Variants in NSD2 observed in about 807,000 individuals in gnomAD.
NSD2 encodes histone-lysine N-methyltransferase NSD2.
Under a neutral mutation model 139.0 loss-of-function variants are expected in NSD2, and 12 were observed. The ratio of observed to expected loss-of-function variants is 0.09; its 90% confidence interval spans 0.06 to 0.14. The LOEUF is 0.14. Among genes scored for constraint, NSD2 ranks in the 10% least tolerant of loss-of-function variants. NSD2 has a pLI of 1.00. For missense variants in NSD2, 1,155 were observed against 1,745.0 expected (o/e 0.66, Z 6.02); for synonymous variants, 669 against 648.7 (o/e 1.03, Z -0.48).
At chr4:1,877,405 TCTGA>T (rs764192423) in intron 1 of NSD2, among the ~76,000 whole-genome samples, 1 of 152,200 alleles carries the variant, frequency 6.6e-6, no homozygotes, top group African/African-American at 2.4e-5. Context: ...TCACTGGCTT[TCTGA>T]CTCTCACTGC....
intron 5 of NSD2, among the ~76,000 whole-genome samples, chr4:1,921,498 A>AGG (rs1720116965): frequency 6.7e-6 from 1 of 148,568 alleles, no homozygotes. Flanking sequence ...ATCATGAACG[A>AGG]GGGCCAGGCA....
chr4:1,975,379 A>G lies in NSD2; in HGVS notation c.3600A>G (p.Gly1200=), dbSNP rs1165629808. The G allele has an allele frequency of 6.2e-7, 1 of 1,614,036 alleles. No individual in the cohort carries two copies. Among genetic ancestry groups the G allele is most frequent in the East Asian group, 2.2e-5 (1 of 44,886 alleles). ...GGTGTGGAGCCTCCAATTGCAGTGG[A>G]TTCCTCGGGGATAGACCAAAGGTAA... The part of the protein sequence containing the change: ...VCRCGASNCS[G]FLGDRPKTST... Residue 1200 remains glycine (G), a synonymous_variant, in exon 20 of 22, where the codon GGA becomes GGG. Coordinates refer to ENST00000508803, the MANE Select transcript of NSD2 (RefSeq NM_001042424.3).
At chr4:1,977,790 C>CAA (rs111398358) in intron 21 of NSD2, among the ~76,000 whole-genome samples, 39 of 96,078 alleles carry the variant, frequency 4.1e-4, no homozygotes, top group African/African-American at 1.2e-3. Flanking sequence ...AGACTCCACT[C>CAA]AAAAAAAAAA....
At position 1,979,148 on chromosome 4, in the gene NSD2, C is replaced by A; in HGVS notation, c.*239C>A. ...GCGTTCCTGGACAAACAGCCTCACT[C>A]CTCAGCGTTACCGCCACACTTGAAT... On this transcript the variant is annotated 3_prime_UTR_variant, in exon 22 of 22. Coordinates refer to ENST00000508803, the MANE Select transcript of NSD2 (RefSeq NM_001042424.3). 1 of 430,026 alleles carries A rather than the reference C, an allele frequency of 2.3e-6. No individual in the cohort carries two copies. Among genetic ancestry groups the A allele is most frequent in the Non-Finnish European group, 4.0e-6 (1 of 248,618 alleles). 26.6% of individuals were successfully genotyped at this position (430,026 alleles called of 1,614,324 possible). A position where few individuals can be genotyped will look rare whatever the true frequency, so the allele number is the denominator to read the frequency against.
chr4:1,926,040 C>T (rs947964994), intron 5 of NSD2, among the ~76,000 whole-genome samples: 7 of 151,794 alleles, frequency 4.6e-5, no homozygotes, highest in Non-Finnish European at 7.4e-5. Context: ...TGGCCTTAAG[C>T]GATCCTCCTA....
intron 6 of NSD2, among the ~76,000 whole-genome samples, chr4:1,934,093 G>GT (rs1169656491): frequency 7.6e-4 from 109 of 142,972 alleles, no homozygotes; most frequent in East Asian, 3.3e-3. Flanking sequence ...TTTGTTTTTC[G>GT]TTTTTTTTTT....
intron 1 of NSD2, among the ~76,000 whole-genome samples, chr4:1,883,357 C>T (rs903460824): frequency 5.3e-5 from 8 of 151,790 alleles, no homozygotes; most frequent in South Asian, 4.2e-4. Flanking sequence ...CAGGGCTGGG[C>T]GCAGTGGCTC....
chr4:1,952,809 G>T, intron 11 of NSD2: 1 of 1,184,140 alleles, frequency 8.4e-7, no homozygotes, highest in Non-Finnish European at 1.0e-6. Flanking sequence ...CTGCACAGCC[G>T]TGGCCCTTCC....
At chr4:1,888,813 G>T (rs903371730) in intron 1 of NSD2, among the ~76,000 whole-genome samples, 2 of 151,980 alleles carry the variant, frequency 1.3e-5, no homozygotes, top group African/African-American at 4.8e-5. Flanking sequence ...TGATCCACCG[G>T]CCTCGGCCTC....
chr4:1,977,805 C>G (rs1009927839), intron 21 of NSD2, among the ~76,000 whole-genome samples: 4 of 134,652 alleles, frequency 3.0e-5, no homozygotes, highest in African/African-American at 1.2e-4. Context: ...AAAAAAAAAA[C>G]CAAACAAACA....
At position 1,948,711 on chromosome 4, in the gene NSD2, G is replaced by A; in HGVS notation, c.1882-2361G>A. Reference sequence around the variant, plus strand: ...TATTTCCATTCAAAATATGTATTCAGTGTTTATTTCCTCAAAACAGACTTT... The same window carrying A: ...TATTTCCATTCAAAATATGTATTCAATGTTTATTTCCTCAAAACAGACTTT... On this transcript the variant is annotated intron_variant, in intron 9 of 21. Coordinates refer to ENST00000508803, the MANE Select transcript of NSD2 (RefSeq NM_001042424.3). The surrounding 1 kb of genome is among the most constrained non-coding windows in gnomAD (Gnocchi z 4.5). The A allele has an allele frequency of 9.5e-7, 1 of 1,052,998 alleles. No homozygotes were observed. Among genetic ancestry groups the A allele is most frequent in the Non-Finnish European group, 1.1e-6 (1 of 870,498 alleles). 65.2% of individuals were successfully genotyped at this position (1,052,998 alleles called of 1,614,324 possible). A position where few individuals can be genotyped will look rare whatever the true frequency, so the allele number is the denominator to read the frequency against.
chr4:1,883,403 A>G (rs150536286), intron 1 of NSD2, among the ~76,000 whole-genome samples: 266 of 151,784 alleles, frequency 1.8e-3, no homozygotes, highest in African/African-American at 6.1e-3. Flanking sequence ...AGGCTGAGGC[A>G]AGCAGATCAC....
chr4:1,889,558 A>G (rs970263944), intron 1 of NSD2, among the ~76,000 whole-genome samples: 3 of 151,396 alleles, frequency 2.0e-5, no homozygotes, highest in African/African-American at 4.9e-5. Context: ...CTGGAGTGCA[A>G]TGGCACCATC....
At chr4:1,923,260 G>A (rs573814536) in intron 5 of NSD2, among the ~76,000 whole-genome samples, 4 of 151,700 alleles carry the variant, frequency 2.6e-5, no homozygotes, top group Non-Finnish European at 5.9e-5. Context: ...AGGCTGAAGC[G>A]GGAGGATTGC....
chr4:1,874,602 G>A (rs553974502), intron 1 of NSD2, among the ~76,000 whole-genome samples: 43 of 152,282 alleles, frequency 2.8e-4, no homozygotes, highest in African/African-American at 9.9e-4. Flanking sequence ...AAGTAATGGA[G>A]CATCTGGGAG....
chr4:1,979,084 C>G lies in NSD2; in HGVS notation c.*175C>G, dbSNP rs796490762. Reference sequence around the variant, plus strand: ...ACCACTGAGCCATCCTCAGCAGCGTCCGCTGCGTCTGCACTGATGACCGTC... The same window carrying G: ...ACCACTGAGCCATCCTCAGCAGCGTGCGCTGCGTCTGCACTGATGACCGTC... On this transcript the variant is annotated 3_prime_UTR_variant, in exon 22 of 22. Coordinates refer to ENST00000508803, the MANE Select transcript of NSD2 (RefSeq NM_001042424.3). 3 of 758,952 alleles carry G rather than the reference C, an allele frequency of 4.0e-6. No homozygotes were observed. The highest frequency in any genetic ancestry group is 3.6e-5 in the African/African-American group (2 of 56,166). The allele number at this position is 758,952 out of a possible 1,614,324, so 47.0% of individuals were successfully genotyped here.
rs1717624707 is a variant in NSD2, at chr4:1,904,489, G to T, written c.760+111G>T. On this transcript the variant is annotated intron_variant, in intron 3 of 21. Transcript: ENST00000508803. ...AATAGCCCTGCTATGGTTCATTTTTGCAGCTTTACCTAAAGTTAGTGATTG... is the reference window on the plus strand; with the variant it reads ...AATAGCCCTGCTATGGTTCATTTTTTCAGCTTTACCTAAAGTTAGTGATTG... The T allele has an allele frequency of 3.8e-5, 47 of 1,234,920 alleles. 1 individual carries two copies. The South Asian group carries it at 7.4e-4, about 19-fold the overall frequency. 76.5% of individuals were successfully genotyped at this position (1,234,920 alleles called of 1,614,324 possible). A position where few individuals can be genotyped will look rare whatever the true frequency, so the allele number is the denominator to read the frequency against.
rs564330895 is a variant in NSD2, at chr4:1,974,272, G to A, written c.3373-591G>A. 7.3e-5 allele frequency among the ~76,000 whole-genome samples: 11 copies of A among 151,572 alleles called. No individual in the cohort carries two copies. The highest frequency in any genetic ancestry group is 8.8e-5 in the Non-Finnish European group (6 of 67,904). On this transcript the variant is annotated intron_variant, in intron 18 of 21. Coordinates refer to ENST00000508803, the MANE Select transcript of NSD2 (RefSeq NM_001042424.3). The surrounding 1 kb of genome is among the most constrained non-coding windows in gnomAD (Gnocchi z 4.0). Reference sequence around the variant, plus strand: ...GTTGCCCAGGCTGGAGTGCAGTGGCGCGATCTCCACTCTCTGTAACCTCCG... The same window carrying A: ...GTTGCCCAGGCTGGAGTGCAGTGGCACGATCTCCACTCTCTGTAACCTCCG...
At chr4:1,920,388 A>T (rs577457984) in intron 5 of NSD2, among the ~76,000 whole-genome samples, 2 of 152,190 alleles carry the variant, frequency 1.3e-5, no homozygotes, top group South Asian at 4.1e-4. Flanking sequence ...GGCCACAGTG[A>T]GCTGAAATCA....
Sources: gnomAD v4.1 joint callset for allele counts (sites outside exome capture counted in the v4.1 genomes callset) on GRCh38, gnomAD v4.1.1 for gene constraint, Gnocchi (gnomAD v3.1) non-coding constraint, MANE v1.5 for transcripts, NCBI Gene and HGNC (gene_info 2026-07-23, HGNC 2026-07-21) for gene names.